The following CCDC92B variants were observed in gnomAD, a reference collection of about 807,000 sequenced individuals.
The protein encoded by CCDC92B is coiled-coil domain containing 92B.
In CCDC92B, 2 loss-of-function variants were observed where a neutral mutation model predicts 5.6. The observed-to-expected ratio is 0.36, with a 90% CI of 0.15 to 1.12. CCDC92B has a LOEUF of 1.12. CCDC92B is among the 50% of genes most tolerant of loss of function. CCDC92B has a pLI of 0.40. For missense variants in CCDC92B, 271 were observed against 262.2 expected, an observed-to-expected ratio of 1.03 and a Z score of -0.23; for synonymous variants, 115 against 122.3, an observed-to-expected ratio of 0.94 and a Z score of 0.39.
At chr17:2,726,679 T>C (rs9797250) in intron 3 of CCDC92B, among the ~76,000 whole-genome samples, 204 of 150,678 alleles carry the variant, frequency 1.4e-3, no homozygotes, top group Non-Finnish European at 2.4e-3. Flanking sequence ...AGTGGCATGA[T>C]CTCGGTTCAC....
At chr17:2,737,916 TA>T (rs2070874874) in intron 1 of CCDC92B, among the ~76,000 whole-genome samples, 1 of 151,976 alleles carries the variant, frequency 6.6e-6, no homozygotes, top group Non-Finnish European at 1.5e-5. Context: ...CAGCGGGTAT[TA>T]CCACCCCACC....
Position 2,724,252 on chromosome 17 carries a change from G to T in CCDC92B, c.*159C>A. On this transcript the variant is annotated 3_prime_UTR_variant, in exon 4 of 4. Coordinates refer to ENST00000614400, the MANE Select transcript of CCDC92B (RefSeq NM_001355573.2). The surrounding 1 kb of genome is among the most constrained non-coding windows in gnomAD (Gnocchi z 5.0). ...TTGGAAACGTCGGGAAGTACAAAAG[G>T]CTGGCGGTTCGGGGATTTGGGGGGA... The T allele has an allele frequency of 1.0e-6, 1 of 985,370 alleles. No individual in the cohort carries two copies. Among genetic ancestry groups the T allele is most frequent in the Non-Finnish European group, 1.2e-6 (1 of 829,898 alleles). The allele number at this position is 985,370 out of a possible 1,614,324, so 61.0% of individuals were successfully genotyped here.
intron 3 of CCDC92B, among the ~76,000 whole-genome samples, chr17:2,728,151 C>G (rs1360803082): frequency 6.7e-6 from 1 of 148,766 alleles, no homozygotes; most frequent in African/African-American, 2.5e-5. Flanking sequence ...CATGGCGAAA[C>G]CCCTCTCTAC....
chr17:2,748,737 C>A (rs2071018443), intron 1 of CCDC92B, among the ~76,000 whole-genome samples: 2 of 152,180 alleles, frequency 1.3e-5, no homozygotes, highest in South Asian at 4.1e-4. Flanking sequence ...GTCCCTCAAC[C>A]CCACATCCTT....
At chr17:2,728,338 T>C (rs1597234659) in intron 3 of CCDC92B, among the ~76,000 whole-genome samples, 1 of 139,186 alleles carries the variant, frequency 7.2e-6, no homozygotes, top group African/African-American at 2.7e-5. Flanking sequence ...CCAGACGCGG[T>C]GGCTCATGCC....
chr17:2,725,643 G>A (rs2070719960), intron 3 of CCDC92B, among the ~76,000 whole-genome samples: 1 of 151,884 alleles, frequency 6.6e-6, no homozygotes, highest in South Asian at 2.1e-4. Context: ...ATTGGAGATA[G>A]GGCGCATAAT....
At chr17:2,749,052 A>G (rs886334481) in intron 1 of CCDC92B, among the ~76,000 whole-genome samples, 2 of 152,186 alleles carry the variant, frequency 1.3e-5, no homozygotes, top group Non-Finnish European at 2.9e-5. Context: ...TTATGCCTCC[A>G]ATATGACTCC....
rs531083838 is a variant in CCDC92B, at chr17:2,724,316, G to C, written c.*95C>G. 1.0e-6 allele frequency: 1 copy of C among 985,148 alleles called. No homozygotes were observed. Among genetic ancestry groups the C allele is most frequent in the South Asian group, 4.7e-5 (1 of 21,284 alleles). 61.0% of individuals were successfully genotyped at this position (985,148 alleles called of 1,614,324 possible). The stretch of plus-strand genomic sequence containing the variant: ...CGCCCCGCTTCCTGGAGGAGGGGCG[G>C]CTGCCCTCCGACCCGGGACCTGCCT... On this transcript the variant is annotated 3_prime_UTR_variant, in exon 4 of 4. Coordinates refer to ENST00000614400, the MANE Select transcript of CCDC92B (RefSeq NM_001355573.2). This position sits in a 1 kb window ranked among gnomAD's most constrained non-coding sequence, Gnocchi z 5.0.
At chr17:2,748,472 G>T in intron 1 of CCDC92B, 1 of 951,374 alleles carries the variant, frequency 1.1e-6, no homozygotes, top group South Asian at 4.9e-5. Flanking sequence ...GCACGCACCT[G>T]GCTTCCGTGC....
chr17:2,744,341 TTTTTTA>T (rs1251010388), intron 1 of CCDC92B, among the ~76,000 whole-genome samples: 4 of 151,934 alleles, frequency 2.6e-5, no homozygotes, highest in East Asian at 3.8e-4. Context: ...GGCCTAAATT[TTTTTTA>T]TTTTTATTTT....
rs1392538953 is a variant in CCDC92B at position 2,725,398 on chromosome 17, AAAAAC to A, written c.179-403_179-399del. On this transcript the variant is annotated intron_variant, in intron 3 of 3. Transcript: ENST00000614400. ...ATTCCGTCTCAAAAAGCAAAAACAA[AAAAAC>A]AAAACAAAGCCCCACTCCTCCCCAC... 2.4e-4 allele frequency among the ~76,000 whole-genome samples: 37 copies of A among 151,850 alleles called. No homozygotes were observed. The Middle Eastern group carries it at 0.01, about 42-fold the overall frequency.
intron 1 of CCDC92B, among the ~76,000 whole-genome samples, chr17:2,738,896 C>A (rs1475438352): frequency 4.0e-5 from 6 of 150,940 alleles, no homozygotes; most frequent in Admixed American, 2.0e-4. Flanking sequence ...TATGGTGAAA[C>A]CCTGTCTGTA....
In CCDC92B at chr17:2,731,301, C is replaced by G. The variant is rs530759775; in HGVS notation, c.131-808G>C. 2.0e-5 allele frequency among the ~76,000 whole-genome samples: 3 copies of G among 152,264 alleles called. No homozygotes were observed. In the East Asian group the frequency reaches 5.8e-4, roughly 29 times the overall value. On this transcript the variant is annotated intron_variant, in intron 2 of 3. Transcript: ENST00000614400. ...CCTTAGTGTCCCCCAAGCCCCATTT[C>G]TCAGCCCAGGTGAGTTTGATAATTT...
chr17:2,747,700 C>T (rs2151746719), intron 1 of CCDC92B, among the ~76,000 whole-genome samples: 1 of 152,274 alleles, frequency 6.6e-6, no homozygotes, highest in Admixed American at 6.5e-5. Flanking sequence ...GCACTCCAAC[C>T]TGGGCAATAA....
chr17:2,735,613 TAG>T (rs1339249772), intron 1 of CCDC92B, among the ~76,000 whole-genome samples: 1 of 152,128 alleles, frequency 6.6e-6, no homozygotes, highest in African/African-American at 2.4e-5. Context: ...GTATTTTTAG[TAG>T]AGACAGGGTT....
intron 1 of CCDC92B, among the ~76,000 whole-genome samples, chr17:2,739,934 C>T (rs1472927857): frequency 6.6e-6 from 1 of 152,038 alleles, no homozygotes; most frequent in African/African-American, 2.4e-5. Context: ...GAAGTCCCTG[C>T]TCTCATGGAT....
intron 1 of CCDC92B, among the ~76,000 whole-genome samples, chr17:2,736,493 TC>T (rs1303271701): frequency 1.3e-5 from 2 of 151,898 alleles, no homozygotes; most frequent in Non-Finnish European, 2.9e-5. Flanking sequence ...ACTCCTGTAA[TC>T]CCAGCACTCT....
intron 1 of CCDC92B, among the ~76,000 whole-genome samples, chr17:2,738,426 G>A (rs1210965280): frequency 6.6e-6 from 1 of 151,956 alleles, no homozygotes; most frequent in African/African-American, 2.4e-5. Context: ...TGTAAGATGG[G>A]GCTGCAAATC....
intron 1 of CCDC92B, chr17:2,747,936 A>G (rs1597248693): frequency 2.9e-6 from 1 of 340,250 alleles, no homozygotes; most frequent in Non-Finnish European, 5.8e-6. Flanking sequence ...CTTGGCAACA[A>G]CCCCACGTTG....
Sources: gnomAD v4.1 joint callset for allele counts (sites outside exome capture counted in the v4.1 genomes callset) on GRCh38, gnomAD v4.1.1 for gene constraint, Gnocchi (gnomAD v3.1) non-coding constraint, MANE v1.5 for transcripts, NCBI Gene and HGNC (gene_info 2026-07-23, HGNC 2026-07-21) for gene names.